Variants in PSPC1 observed in about 807,000 individuals in gnomAD.
PSPC1 encodes the protein paraspeckle component 1.
In PSPC1, 14 loss-of-function variants were observed where a neutral mutation model predicts 51.6. That is an observed-to-expected ratio of 0.27 (90% CI 0.18 to 0.42). The LOEUF (loss-of-function observed/expected upper bound fraction) is 0.42, where lower values mean the gene tolerates loss of function less well. PSPC1 is among the 10% of genes least tolerant of loss of function. The pLI is 1.00. For missense variants in PSPC1, 406 were observed against 701.1 expected, an observed-to-expected ratio of 0.58 and a Z score of 4.75; for synonymous variants, 193 against 231.9, an observed-to-expected ratio of 0.83 and a Z score of 1.53.
At chr13:19,677,060 C>T (rs1056423459) in intron 7 of PSPC1, among the ~76,000 whole-genome samples, 15 of 152,018 alleles carry the variant, frequency 9.9e-5, no homozygotes, top group Non-Finnish European at 2.1e-4. Flanking sequence ...CAGTGAAACC[C>T]CGTCTCTACT....
rs1478685614 is a variant in PSPC1 at position 19,782,225 on chromosome 13, G to C, written c.372+161C>G. 6.6e-6 allele frequency among the ~76,000 whole-genome samples: 1 copy of C among 152,210 alleles called. No homozygotes were observed. Among genetic ancestry groups the C allele is most frequent in the Non-Finnish European group, 1.5e-5 (1 of 68,034 alleles). ...ACTCGAAACCAAAGGCGCCGAGCTG[G>C]GGAAGCGGCCAACCCCGCACAGAGG... On this transcript the variant is annotated intron_variant, in intron 1 of 8. Transcript: ENST00000338910. This position sits in a 1 kb window ranked among gnomAD's most constrained non-coding sequence, Gnocchi z 4.5.
chr13:19,734,028 T>TA (rs1884465813), intron 5 of PSPC1, among the ~76,000 whole-genome samples: 1 of 152,122 alleles, frequency 6.6e-6, no homozygotes, highest in South Asian at 2.1e-4. Flanking sequence ...TGGAAATGAT[T>TA]AGGGGAACAG....
At chr13:19,724,710 C>T (rs994341038) in intron 6 of PSPC1, among the ~76,000 whole-genome samples, 3 of 151,970 alleles carry the variant, frequency 2.0e-5, no homozygotes, top group African/African-American at 4.8e-5. Context: ...AAAACTTTGC[C>T]GAGCGTGGGC....
intron 4 of PSPC1, among the ~76,000 whole-genome samples, chr13:19,750,017 G>T (rs1248634047): frequency 6.6e-6 from 1 of 152,112 alleles, no homozygotes; most frequent in East Asian, 1.9e-4. Flanking sequence ...ACTGAATAGT[G>T]ATGTACGAAA....
At chr13:19,694,015 T>TGG (rs1019073117) in intron 6 of PSPC1, among the ~76,000 whole-genome samples, 9 of 148,416 alleles carry the variant, frequency 6.1e-5, no homozygotes, top group Non-Finnish European at 1.0e-4. Flanking sequence ...CCCAGCTACT[T>TGG]GGGAGGCTGA....
chr13:19,717,599 G>A lies in PSPC1; in HGVS notation c.1159-8000C>T, dbSNP rs1215294078. On this transcript the variant is annotated intron_variant, in intron 6 of 8. Coordinates refer to ENST00000338910, the MANE Select transcript of PSPC1 (RefSeq NM_001354909.2). ...TGGGCACCTGTAGTCCCAGCTACTC[G>A]GGAGGCTGAGGCAGGAAAATCGCTT... 5.9e-5 allele frequency among the ~76,000 whole-genome samples: 9 copies of A among 151,434 alleles called. 1 individual carries two copies. The highest frequency in any genetic ancestry group is 4.2e-4 in the South Asian group (2 of 4,772).
chr13:19,765,916 T>A (rs1467798039), intron 2 of PSPC1, among the ~76,000 whole-genome samples: 1 of 152,036 alleles, frequency 6.6e-6, no homozygotes, highest in Non-Finnish European at 1.5e-5. Flanking sequence ...TCTTAAAGAA[T>A]TTTTTTTGTC....
intron 1 of PSPC1, among the ~76,000 whole-genome samples, chr13:19,776,922 T>A (rs1889199627): frequency 6.7e-6 from 1 of 150,362 alleles, no homozygotes. Context: ...GGTCAGGAGT[T>A]CAAGACCAGC....
rs189753354 is a variant in PSPC1 at position 19,733,149 on chromosome 13, G to A, written c.1053-2805C>T. On this transcript the variant is annotated intron_variant, in intron 5 of 8. Transcript: ENST00000338910. ...ATATATTGTGGCATTATTTATAAAAGCAAAAGATCAAGGACACATTAATCA... is the reference window on the plus strand; with the variant it reads ...ATATATTGTGGCATTATTTATAAAAACAAAAGATCAAGGACACATTAATCA... Among the ~76,000 whole-genome samples the A allele has an allele frequency of 5.1e-3, 783 of 152,170 alleles. 3 individuals are homozygous for A. Among genetic ancestry groups the A allele is most frequent in the Admixed American group, 0.012 (182 of 15,294 alleles).
chr13:19,673,067 A>AG (rs1373984488), downstream of PSPC1: 14 of 441,722 alleles, frequency 3.2e-5, no homozygotes, highest in African/African-American at 2.7e-4. Context: ...AAAAAAAAAA[A>AG]AGTTTCTTGG....
intron 5 of PSPC1, among the ~76,000 whole-genome samples, chr13:19,735,015 A>G (rs973935656): frequency 6.0e-5 from 9 of 150,588 alleles, no homozygotes; most frequent in South Asian, 4.2e-4. Context: ...AAAAACAAAG[A>G]AAGGAAGGAA....
intron 8 of PSPC1, 111 bp downstream of exon 8, chr13:19,705,551 T>C: frequency 5.1e-6 from 4 of 778,378 alleles, no homozygotes; most frequent in Non-Finnish European, 3.8e-6. Context: ...AATTTTCTTC[T>C]TCATTGGCTG....
intron 4 of PSPC1, among the ~76,000 whole-genome samples, chr13:19,742,673 A>C (rs2138049513): frequency 6.6e-6 from 1 of 152,298 alleles, no homozygotes; most frequent in Non-Finnish European, 1.5e-5. Context: ...TGGGAGGCGG[A>C]GGTTGCAGTG....
chr13:19,756,585 C>T (rs181307526), intron 3 of PSPC1, among the ~76,000 whole-genome samples: 1,664 of 152,000 alleles, frequency 0.011, 11 homozygotes, highest in Non-Finnish European at 0.014. Flanking sequence ...CCACAACCTC[C>T]GCCTCCTGGG....
intron 1 of PSPC1, among the ~76,000 whole-genome samples, chr13:19,777,316 G>C (rs893161607): frequency 1.1e-4 from 16 of 149,438 alleles, no homozygotes; most frequent in African/African-American, 3.7e-4. Flanking sequence ...TGTAATTCCA[G>C]CTACTCCAGA....
At chr13:19,694,122 C>CAAAA (rs71092389) in intron 6 of PSPC1, among the ~76,000 whole-genome samples, 2 of 47,464 alleles carry the variant, frequency 4.2e-5, no homozygotes, top group African/African-American at 1.7e-4. Flanking sequence ...GACTCCATCT[C>CAAAA]AAAAAAAAAA....
chr13:19,705,915 T>A (rs1266853376), intron 7 of PSPC1, 84 bp from the exon 8 acceptor site: 3 of 1,180,362 alleles, frequency 2.5e-6, no homozygotes, highest in African/African-American at 1.5e-5. Context: ...GCAATCTATA[T>A]ACCAAGACCA....
chr13:19,673,627 A>G (rs2137552935), downstream of PSPC1, among the ~76,000 whole-genome samples: 1 of 152,362 alleles, frequency 6.6e-6, no homozygotes, highest in South Asian at 2.1e-4. Context: ...GGTCAGGAGC[A>G]GTAAAGAAGA....
At chr13:19,736,958 CTTGT>C (rs1358083282) in intron 5 of PSPC1, 5 of 151,718 alleles carry the variant, frequency 3.3e-5, no homozygotes, top group African/African-American at 9.7e-5. Context: ...TGTTTGCTTG[CTTGT>C]TTATTTGTTT....
Sources: allele counts gnomAD v4.1 joint callset (sites outside exome capture counted in the v4.1 genomes callset), GRCh38; gene constraint gnomAD v4.1.1; non-coding constraint Gnocchi (gnomAD v3.1); transcripts MANE v1.5; gene names NCBI Gene and HGNC (gene_info 2026-07-23, HGNC 2026-07-21).